Variants in FBXW8 observed in about 807,000 individuals in gnomAD.
The protein encoded by FBXW8 is F-box and WD repeat domain containing 8.
In FBXW8, 57 loss-of-function variants were observed where a neutral mutation model predicts 65.3. That is an observed-to-expected ratio of 0.87 (90% confidence interval 0.71 to 1.09). The LOEUF is 1.09. Ranked by LOEUF, FBXW8 falls within the 50% of genes least tolerant of loss-of-function variation. The probability of loss-of-function intolerance (pLI) is 0.00; values close to 1 mark genes in which losing one functional copy is unlikely to be tolerated. For synonymous variants in FBXW8, 308 were observed against 330.2 expected (o/e 0.93, Z 0.73); for missense variants, 777 against 814.8 (o/e 0.95, Z 0.57).
chr12:117,011,651 C>T (rs147903222), intron 8 of FBXW8, among the ~76,000 whole-genome samples: 5 of 152,226 alleles, frequency 3.3e-5, no homozygotes, highest in Non-Finnish European at 7.4e-5. Context: ...TATACAGAGG[C>T]TCCAAGCTCC....
intron 5 of FBXW8, among the ~76,000 whole-genome samples, chr12:116,983,379 A>C (rs911884152): frequency 6.6e-6 from 1 of 152,194 alleles, no homozygotes; most frequent in Admixed American, 6.5e-5. Context: ...TTATCCCCCA[A>C]GTTTATCATA....
At chr12:117,024,420 C>A (rs560398620) in intron 9 of FBXW8, 100 bp downstream of exon 9, 244 of 1,376,660 alleles carry the variant, frequency 1.8e-4, no homozygotes, top group Non-Finnish European at 2.3e-4. Context: ...CCCCCTACCC[C>A]CCGGCTTCGC....
chr12:116,982,305 A>G (rs746815415), intron 5 of FBXW8, among the ~76,000 whole-genome samples: 1 of 152,240 alleles, frequency 6.6e-6, no homozygotes, highest in Non-Finnish European at 1.5e-5. Context: ...AGATGGGAGA[A>G]GTTCTGCATG....
At chr12:116,928,225 C>A in intron 2 of FBXW8, 98 bp downstream of exon 2, 1 of 818,372 alleles carries the variant, frequency 1.2e-6, no homozygotes, top group Non-Finnish European at 2.0e-6. Context: ...GAATTATAAA[C>A]TTTGCAGAAT....
intron 3 of FBXW8, 83 bp from the exon 4 acceptor site, chr12:116,949,535 G>GA (rs1883134175): frequency 1.7e-6 from 2 of 1,187,416 alleles, no homozygotes; most frequent in African/African-American, 3.0e-5. Flanking sequence ...AATTGCTGTG[G>GA]AAAGTAGGTG....
chr12:116,947,630 C>G (rs1883014842), intron 3 of FBXW8, among the ~76,000 whole-genome samples: 1 of 150,570 alleles, frequency 6.6e-6, no homozygotes, highest in Admixed American at 6.7e-5. Flanking sequence ...GTCCCAGCTA[C>G]TGGGAGGCTG....
In FBXW8 at chr12:116,949,651, G is replaced by A; in HGVS notation, c.622G>A (p.Val208Ile). 2 of 1,614,234 alleles carry A rather than the reference G, an allele frequency of 1.2e-6. No individual in the cohort carries two copies. The highest frequency in any genetic ancestry group is 2.7e-5 in the African/African-American group (2 of 75,062). Residue 208 changes from valine (V) to isoleucine (I), a missense_variant, in exon 4 of 11, where the codon GTT becomes ATT. Val to Ile is a conservative substitution (Grantham distance 29). Coordinates refer to ENST00000652555, the MANE Select transcript of FBXW8 (RefSeq NM_153348.3). ...RKGAVSELEH[V>I]PDTVLCDVHS... ...AGGTGCCGTGAGCGAGCTGGAGCAT[G>A]TTCCTGACACAGTTTTGTGTGATGT...
chr12:116,927,918 C>T (rs1460065702), intron 1 of FBXW8, 105 bp from the exon 2 acceptor site: 7 of 670,982 alleles, frequency 1.0e-5, no homozygotes, highest in Non-Finnish European at 1.5e-5. Context: ...CCTCATCTAT[C>T]TTGTTACCAC....
At chr12:117,010,501 G>T (rs749151019) in intron 8 of FBXW8, 51 bp downstream of exon 8, 6 of 1,612,806 alleles carry the variant, frequency 3.7e-6, no homozygotes, top group African/African-American at 2.7e-5. Context: ...TTCTGCCAAG[G>T]CCCGGCCCCC....
At chr12:117,020,585 G>T (rs1195562196) in intron 8 of FBXW8, among the ~76,000 whole-genome samples, 1 of 152,132 alleles carries the variant, frequency 6.6e-6, no homozygotes, top group Non-Finnish European at 1.5e-5. Flanking sequence ...TCTGATTCAC[G>T]CATTCTCTGA....
At chr12:116,966,861 A>G (rs114723110) in intron 5 of FBXW8, among the ~76,000 whole-genome samples, 3,117 of 152,120 alleles carry the variant, frequency 0.02, 97 homozygotes, top group African/African-American at 0.065. Context: ...TGGGATTATG[A>G]GTGCCCACCA....
intron 5 of FBXW8, among the ~76,000 whole-genome samples, chr12:116,966,358 T>G (rs942358309): frequency 6.6e-6 from 1 of 152,206 alleles, no homozygotes; most frequent in African/African-American, 2.4e-5. Flanking sequence ...TAATAGCCTT[T>G]CCCTACCATT....
At chr12:117,003,215 T>G (rs1192080692) in intron 7 of FBXW8, 2 of 152,234 alleles carry the variant, frequency 1.3e-5, no homozygotes, top group East Asian at 3.8e-4. Flanking sequence ...AGCATAGCAG[T>G]CGCCTGTAAG....
intron 7 of FBXW8, among the ~76,000 whole-genome samples, chr12:117,001,486 G>A (rs1427814718): frequency 6.6e-6 from 1 of 152,020 alleles, no homozygotes; most frequent in Non-Finnish European, 1.5e-5. Flanking sequence ...AAGTCCTGTC[G>A]GCATACAGAT....
chr12:116,939,207 A>G (rs1882389812), intron 2 of FBXW8, among the ~76,000 whole-genome samples: 1 of 152,206 alleles, frequency 6.6e-6, no homozygotes. Flanking sequence ...CAAATCCCAA[A>G]TGCTCCAAAA....
chr12:116,940,011 A>T (rs1429555535), intron 2 of FBXW8, among the ~76,000 whole-genome samples: 1 of 152,234 alleles, frequency 6.6e-6, no homozygotes, highest in Non-Finnish European at 1.5e-5. Flanking sequence ...GAGCTCCAGC[A>T]TTGCTGAGTC....
At chr12:116,992,225 C>T (rs1417579734) in intron 7 of FBXW8, among the ~76,000 whole-genome samples, 1 of 151,920 alleles carries the variant, frequency 6.6e-6, no homozygotes, top group African/African-American at 2.4e-5. Flanking sequence ...ACCTCCAGCT[C>T]GGGTAGGAAG....
At chr12:116,951,750 C>T (rs1883300831) in intron 4 of FBXW8, among the ~76,000 whole-genome samples, 1 of 152,184 alleles carries the variant, frequency 6.6e-6, no homozygotes, top group South Asian at 2.1e-4. Context: ...ATATTTATTG[C>T]AGTGAACCTC....
At chr12:116,928,186 C>T in intron 2 of FBXW8, 59 bp downstream of exon 2, 1 of 1,005,104 alleles carries the variant, frequency 9.9e-7, no homozygotes, top group Non-Finnish European at 1.6e-6. Context: ...AGGTATAGGA[C>T]TCTCCGGGGT....
Sources: gnomAD v4.1 joint callset for allele counts (sites outside exome capture counted in the v4.1 genomes callset) on GRCh38, gnomAD v4.1.1 for gene constraint, MANE v1.5 for transcripts, NCBI Gene and HGNC (gene_info 2026-07-23, HGNC 2026-07-21) for gene names.